The following ENTREP2 variants were observed in gnomAD, a reference collection of about 807,000 sequenced individuals.
ENTREP2 encodes endosomal transmembrane epsin interactor 2.
chr15:29,270,171 A>G, the ENTREP2 span, among the ~76,000 whole-genome samples: 1 of 152,162 alleles, frequency 6.6e-6, no homozygotes, highest in Non-Finnish European at 1.5e-5. Context: ...GAAGTAAAGT[A>G]AAAACATTTA....
At chr15:29,340,297 C>T in the ENTREP2 span, among the ~76,000 whole-genome samples, 9 of 152,236 alleles carry the variant, frequency 5.9e-5, no homozygotes, top group East Asian at 1.9e-4. Flanking sequence ...GTATCAGGAA[C>T]GACATCTCAG....
At chr15:29,589,864 C>T in the ENTREP2 span, among the ~76,000 whole-genome samples, 1 of 152,184 alleles carries the variant, frequency 6.6e-6, no homozygotes, top group Non-Finnish European at 1.5e-5. Flanking sequence ...TCCGTTTCCT[C>T]ATCCGGAAGG....
At chr15:29,568,466 A>G in the ENTREP2 span, among the ~76,000 whole-genome samples, 1 of 152,154 alleles carries the variant, frequency 6.6e-6, no homozygotes, top group African/African-American at 2.4e-5. Flanking sequence ...CTGAGGCAGG[A>G]GCATCCCTTG....
At chr15:29,417,246 A>G in the ENTREP2 span, among the ~76,000 whole-genome samples, 7 of 152,246 alleles carry the variant, frequency 4.6e-5, no homozygotes, top group Admixed American at 4.6e-4. Flanking sequence ...GAACCAACCC[A>G]AATATCCAAC....
chr15:29,195,129 T>TG, the ENTREP2 span: 1 of 985,346 alleles, frequency 1.0e-6, no homozygotes, highest in Non-Finnish European at 1.2e-6. Context: ...CATGATGGGA[T>TG]GGGCCCTGGA....
chr15:29,469,680 C>T, the ENTREP2 span, among the ~76,000 whole-genome samples: 1 of 152,142 alleles, frequency 6.6e-6, no homozygotes, highest in African/African-American at 2.4e-5. Flanking sequence ...ACAGTGTGAA[C>T]GCACTCAATG....
At chr15:29,286,056 TAAAC>T in the ENTREP2 span, among the ~76,000 whole-genome samples, 2 of 152,130 alleles carry the variant, frequency 1.3e-5, no homozygotes, top group Non-Finnish European at 2.9e-5. Context: ...GAAAGGAACT[TAAAC>T]AATCACTACA....
At chr15:29,138,589 G>GTTATGTGTGTGTGTC in the ENTREP2 span, among the ~76,000 whole-genome samples, 1 of 82,324 alleles carries the variant, frequency 1.2e-5, no homozygotes, top group African/African-American at 7.1e-5. Flanking sequence ...GCATGTGTCT[G>GTTATGTGTGTGTGTC]TGTATATATG....
chr15:29,460,076 G>A, the ENTREP2 span, among the ~76,000 whole-genome samples: 8 of 152,046 alleles, frequency 5.3e-5, no homozygotes, highest in East Asian at 1.9e-4. Flanking sequence ...GCAAGACCAT[G>A]TCACAACAAA....
chr15:29,255,540 AT>A, the ENTREP2 span, among the ~76,000 whole-genome samples: 5 of 152,152 alleles, frequency 3.3e-5, no homozygotes, highest in Non-Finnish European at 7.4e-5. Context: ...AGGAAAATAC[AT>A]TGTTTTGCCA....
At chr15:29,553,311 CAAAAAA>C in the ENTREP2 span, among the ~76,000 whole-genome samples, 2 of 151,798 alleles carry the variant, frequency 1.3e-5, no homozygotes, top group Admixed American at 6.6e-5. Context: ...AAAACAAAAA[CAAAAAA>C]ACCTGTAAAG....
the ENTREP2 span, among the ~76,000 whole-genome samples, chr15:29,353,844 T>C: frequency 6.6e-6 from 1 of 152,120 alleles, no homozygotes; most frequent in Admixed American, 6.5e-5. Flanking sequence ...ACAGAGAAGT[T>C]CAGAAAGTCA....
At chr15:29,656,025 A>G in the ENTREP2 span, among the ~76,000 whole-genome samples, 4 of 142,324 alleles carry the variant, frequency 2.8e-5, no homozygotes, top group Non-Finnish European at 6.0e-5. Context: ...CTCCGTTTAA[A>G]AAAAAAAAAA....
the ENTREP2 span, among the ~76,000 whole-genome samples, chr15:29,656,321 C>G: frequency 2.6e-5 from 4 of 151,962 alleles, no homozygotes; most frequent in Non-Finnish European, 5.9e-5. Flanking sequence ...CACCTCGCAG[C>G]TTTAAGCAAT....
the ENTREP2 span, chr15:29,375,921 G>A: frequency 2.0e-5 from 3 of 151,976 alleles, no homozygotes; most frequent in Non-Finnish European, 2.9e-5. Context: ...TTTCTGTCTG[G>A]GTTGATAAAG....
chr15:29,215,941 T>C, the ENTREP2 span, among the ~76,000 whole-genome samples: 62 of 152,336 alleles, frequency 4.1e-4, no homozygotes, highest in African/African-American at 1.4e-3. Context: ...ATTTAGGCTA[T>C]TTACATTCAA....
chr15:29,265,620 C>T, the ENTREP2 span: 1 of 152,270 alleles, frequency 6.6e-6, no homozygotes, highest in East Asian at 1.9e-4. Context: ...GCCTGGGCGA[C>T]AAGAGCAAGA....
the ENTREP2 span, among the ~76,000 whole-genome samples, chr15:29,240,093 T>G: frequency 2.6e-5 from 4 of 152,232 alleles, no homozygotes; most frequent in Non-Finnish European, 5.9e-5. Flanking sequence ...CTGGACATGG[T>G]GGCTCACGCC....
chr15:29,416,722 G>A, the ENTREP2 span, among the ~76,000 whole-genome samples: 1 of 152,100 alleles, frequency 6.6e-6, no homozygotes, highest in South Asian at 2.1e-4. Flanking sequence ...CCTACAGAAT[G>A]GGAGAAAATT....
Sources: allele counts gnomAD v4.1 joint callset (sites outside exome capture counted in the v4.1 genomes callset), GRCh38; gene constraint gnomAD v4.1.1; transcripts MANE v1.5; gene names NCBI Gene and HGNC (gene_info 2026-07-23, HGNC 2026-07-21).